Variants in SLC35D4 observed in about 807,000 individuals in gnomAD.
SLC35D4 encodes the protein UDP-N-acetylglucosamine transporter SLC35D4.
At chr18:23,371,371 A>G in the SLC35D4 span, 2 of 1,427,546 alleles carry the variant, frequency 1.4e-6, no homozygotes, top group Non-Finnish European at 9.4e-7. Flanking sequence ...CTGGGATTCC[A>G]GGTATGAGCC....
At chr18:23,314,084 T>G in the SLC35D4 span, among the ~76,000 whole-genome samples, 7 of 152,230 alleles carry the variant, frequency 4.6e-5, no homozygotes, top group Non-Finnish European at 8.8e-5. Flanking sequence ...TTAACTATGA[T>G]GCTCCAGCGG....
At chr18:23,294,390 T>C in the SLC35D4 span, among the ~76,000 whole-genome samples, 1 of 152,174 alleles carries the variant, frequency 6.6e-6, no homozygotes, top group Non-Finnish European at 1.5e-5. Flanking sequence ...TCATCCTTCA[T>C]TCAGCGCTGA....
At chr18:23,429,930 G>A in the SLC35D4 span, among the ~76,000 whole-genome samples, 1 of 152,096 alleles carries the variant, frequency 6.6e-6, no homozygotes, top group Admixed American at 6.6e-5. Context: ...TGCATAGTTT[G>A]CAAATATTTT....
At chr18:23,355,663 T>C in the SLC35D4 span, among the ~76,000 whole-genome samples, 1 of 152,018 alleles carries the variant, frequency 6.6e-6, no homozygotes, top group Non-Finnish European at 1.5e-5. Context: ...AGCAGCTTTT[T>C]AACATTGTAA....
the SLC35D4 span, among the ~76,000 whole-genome samples, chr18:23,317,587 C>A: frequency 6.6e-6 from 1 of 152,094 alleles, no homozygotes; most frequent in Non-Finnish European, 1.5e-5. Flanking sequence ...CTCACGTAAA[C>A]CTTAATAAAT....
chr18:23,421,557 T>A, the SLC35D4 span: 1 of 842,208 alleles, frequency 1.2e-6, no homozygotes, highest in Non-Finnish European at 1.9e-6. Flanking sequence ...CTCTATTTAC[T>A]ACTCTTTTCT....
the SLC35D4 span, among the ~76,000 whole-genome samples, chr18:23,325,943 C>T: frequency 5.1e-3 from 771 of 152,352 alleles, 9 homozygotes; most frequent in African/African-American, 0.018. Context: ...AGCCTGCGGA[C>T]AAGGCACACA....
the SLC35D4 span, chr18:23,356,505 C>G: frequency 3.8e-6 from 5 of 1,319,922 alleles, no homozygotes; most frequent in Non-Finnish European, 5.4e-6. The surrounding 1 kb of genome is among the most constrained non-coding windows in gnomAD (Gnocchi z 4.1). Flanking sequence ...GCCACTCACT[C>G]AGGTCACTAG....
the SLC35D4 span, among the ~76,000 whole-genome samples, chr18:23,419,866 G>C: frequency 6.6e-6 from 1 of 152,108 alleles, no homozygotes; most frequent in Non-Finnish European, 1.5e-5. Context: ...AAAGAAAAGA[G>C]ACATTTCCTG....
the SLC35D4 span, among the ~76,000 whole-genome samples, chr18:23,425,032 C>T: frequency 6.6e-6 from 1 of 152,182 alleles, no homozygotes; most frequent in Non-Finnish European, 1.5e-5. Flanking sequence ...AACAATTCAG[C>T]ACTAGTCCCT....
At chr18:23,242,465 C>T in the SLC35D4 span, among the ~76,000 whole-genome samples, 1 of 152,112 alleles carries the variant, frequency 6.6e-6, no homozygotes. Flanking sequence ...CACCTCTTGG[C>T]ATATAATTAA....
chr18:23,345,926 G>A, the SLC35D4 span, among the ~76,000 whole-genome samples: 1 of 151,912 alleles, frequency 6.6e-6, no homozygotes, highest in African/African-American at 2.4e-5. Flanking sequence ...ATTGTGAATG[G>A]AATTGTTTTC....
At chr18:23,253,739 G>C in the SLC35D4 span, 1 of 1,614,106 alleles carries the variant, frequency 6.2e-7, no homozygotes, top group South Asian at 1.1e-5. Flanking sequence ...TCTGAAACGA[G>C]AGATGCGGAA....
At chr18:23,313,871 T>C in the SLC35D4 span, among the ~76,000 whole-genome samples, 1 of 152,184 alleles carries the variant, frequency 6.6e-6, no homozygotes, top group Non-Finnish European at 1.5e-5. Context: ...GTCTCCCTCT[T>C]TGTGCTCCAC....
chr18:23,305,846 C>CT, the SLC35D4 span, among the ~76,000 whole-genome samples: 2 of 152,220 alleles, frequency 1.3e-5, no homozygotes, highest in African/African-American at 2.4e-5. Context: ...TCTATAGACA[C>CT]TGCAGAGGCA....
chr18:23,290,913 C>T, the SLC35D4 span, among the ~76,000 whole-genome samples: 1 of 152,040 alleles, frequency 6.6e-6, no homozygotes, highest in Non-Finnish European at 1.5e-5. Flanking sequence ...TCTGGGATTA[C>T]AGGCATGAGC....
chr18:23,250,618 G>T, the SLC35D4 span, among the ~76,000 whole-genome samples: 2 of 152,246 alleles, frequency 1.3e-5, no homozygotes, highest in South Asian at 4.1e-4. Context: ...GACCTTGGCA[G>T]TGAGAGCAGT....
At chr18:23,285,725 C>A in the SLC35D4 span, among the ~76,000 whole-genome samples, 1 of 151,992 alleles carries the variant, frequency 6.6e-6, no homozygotes, top group Non-Finnish European at 1.5e-5. Flanking sequence ...AGGCTAAGTC[C>A]CAATTCTTCC....
chr18:23,370,194 G>GCA, the SLC35D4 span: 1 of 1,389,220 alleles, frequency 7.2e-7, no homozygotes, highest in Non-Finnish European at 9.8e-7. Context: ...CCATCTCAAG[G>GCA]AAAAAAAAAA....
Sources: allele counts gnomAD v4.1 joint callset (sites outside exome capture counted in the v4.1 genomes callset), GRCh38; gene constraint gnomAD v4.1.1; non-coding constraint Gnocchi (gnomAD v3.1); transcripts MANE v1.5; gene names NCBI Gene and HGNC (gene_info 2026-07-23, HGNC 2026-07-21).